The following DNAJA3 variants were observed in gnomAD, a reference collection of about 807,000 sequenced individuals.
DNAJA3 encodes DnaJ heat shock protein family (Hsp40) member A3.
In DNAJA3, 29 loss-of-function variants were observed where a neutral mutation model predicts 54.9. That is an observed-to-expected ratio of 0.53 (90% confidence interval 0.39 to 0.72). The LOEUF (loss-of-function observed/expected upper bound fraction) is 0.72. Among genes scored for constraint, DNAJA3 ranks in the 30% least tolerant of loss-of-function variants. DNAJA3 has a pLI of 0.00. For synonymous variants in DNAJA3, 302 were observed against 251.4 expected (o/e 1.20, Z -1.90); for missense variants, 708 against 639.4 (o/e 1.11, Z -1.16).
chr16:4,430,143 C>G (rs1223670206), intron 1 of DNAJA3, among the ~76,000 whole-genome samples: 1 of 151,020 alleles, frequency 6.6e-6, no homozygotes, highest in Non-Finnish European at 1.5e-5. Flanking sequence ...ACCCCTGTCT[C>G]TTAAAAAAAA....
At chr16:4,443,914 C>T (rs921276307) in intron 6 of DNAJA3, among the ~76,000 whole-genome samples, 2 of 152,206 alleles carry the variant, frequency 1.3e-5, no homozygotes, top group African/African-American at 4.8e-5. Flanking sequence ...TCTCGATCTC[C>T]TGACCTCGTG....
chr16:4,425,893 G>T lies in DNAJA3; in HGVS notation c.12G>T (p.Arg4=). 1 of 1,538,916 alleles carries T rather than the reference G, an allele frequency of 6.5e-7. No homozygotes were observed. The highest frequency in any genetic ancestry group is 2.5e-5 in the East Asian group (1 of 40,050). The change falls in exon 1 of 12, where the codon CGG becomes CGT. Residue 4 remains arginine, a synonymous_variant. Transcript: ENST00000262375. MAA[R]CSTRWLLVVV... is the part of the protein sequence containing the mutation. ...GTCCCCGGGCCAAGATGGCTGCGCG[G>T]TGCTCCACACGCTGGTTGCTGGTGG...
chr16:4,436,462 T>C (rs910259917), intron 2 of DNAJA3, among the ~76,000 whole-genome samples: 2 of 152,260 alleles, frequency 1.3e-5, no homozygotes, highest in East Asian at 3.8e-4. Flanking sequence ...TAGCAATTAC[T>C]GTATTTTATT....
At chr16:4,447,233 A>C (rs910559100) in intron 8 of DNAJA3, 2 of 571,144 alleles carry the variant, frequency 3.5e-6, no homozygotes, top group African/African-American at 1.9e-5. Flanking sequence ...CCTGGCTGGC[A>C]TCACTCCCAC....
intron 2 of DNAJA3, among the ~76,000 whole-genome samples, chr16:4,436,817 T>A (rs913087321): frequency 6.6e-6 from 1 of 152,250 alleles, no homozygotes; most frequent in South Asian, 2.1e-4. Flanking sequence ...ATAACAGGCA[T>A]GAGCCACTGC....
rs777874839 is a variant in DNAJA3, at chr16:4,441,377, T to G, written c.432T>G (p.Val144=). 3.1e-6 allele frequency: 5 copies of G among 1,611,598 alleles called. No homozygotes were observed. The highest frequency in any genetic ancestry group is 1.8e-4 in the Middle Eastern group (1 of 5,442). Residue 144 remains valine, a splice_region_variant and synonymous_variant, in exon 4 of 12, where the codon GTT becomes GTG. Transcript: ENST00000262375. ...AGTGGCTCTGCCTTTCACTGTAGGT[T>G]TTGAGTGATGAGGTGAAGAGGAAGC... is the stretch of plus-strand genomic sequence containing the variant. ...KFSQLAEAYE[V]LSDEVKRKQY...
intron 10 of DNAJA3, 87 bp from the exon 11 acceptor site, chr16:4,454,724 G>A: frequency 2.1e-6 from 2 of 962,312 alleles, no homozygotes; most frequent in Non-Finnish European, 3.2e-6. Flanking sequence ...GGGCCCCTGG[G>A]TGGCCAGGCG....
intron 6 of DNAJA3, among the ~76,000 whole-genome samples, chr16:4,444,093 C>T (rs2056872567): frequency 6.6e-6 from 1 of 152,122 alleles, no homozygotes; most frequent in Non-Finnish European, 1.5e-5. Context: ...TGGTTAACAC[C>T]CATCACCCCA....
At chr16:4,433,658 A>G (rs2056734809) in intron 1 of DNAJA3, among the ~76,000 whole-genome samples, 1 of 152,190 alleles carries the variant, frequency 6.6e-6, no homozygotes, top group South Asian at 2.1e-4. Context: ...TTAAGCATTA[A>G]ATGTGACAGA....
intron 1 of DNAJA3, chr16:4,427,530 C>T (rs117099543): frequency 6.6e-6 from 1 of 152,112 alleles, no homozygotes; most frequent in African/African-American, 2.4e-5. Context: ...TATTATTTAA[C>T]CCCTTCGAGC....
chr16:4,454,034 C>T (rs923070867), intron 10 of DNAJA3, among the ~76,000 whole-genome samples: 5 of 152,220 alleles, frequency 3.3e-5, no homozygotes, highest in Non-Finnish European at 7.3e-5. Flanking sequence ...TAGATGGTGT[C>T]AGCCTGGGCC....
chr16:4,443,306 C>A, intron 6 of DNAJA3, 142 bp downstream of exon 6: 1 of 1,036,688 alleles, frequency 9.6e-7, no homozygotes, highest in Non-Finnish European at 1.4e-6. Context: ...ATGGTTGAGG[C>A]CCTGGAGCCC....
chr16:4,450,573 A>C, intron 10 of DNAJA3, 76 bp downstream of exon 10: 5 of 1,157,100 alleles, frequency 4.3e-6, no homozygotes, highest in Non-Finnish European at 6.1e-6. Flanking sequence ...TCAGGGCAGC[A>C]TGTTGGGGTT....
In DNAJA3 at chr16:4,434,350, C is replaced by G. The variant is rs565797832; in HGVS notation, c.212-34C>G. 15 of 1,607,404 alleles carry G rather than the reference C, an allele frequency of 9.3e-6. No individual in the cohort carries two copies. The South Asian group carries it at 1.7e-4, about 18-fold the overall frequency. On this transcript the variant is annotated intron_variant, in intron 1 of 11. Transcript: ENST00000262375. ...ACAGTTTTCTTTTGTTGAGAACATT[C>G]CCAGAGTGATTTTCTTTGTTTTTTC...
intron 1 of DNAJA3, 120 bp downstream of exon 1, chr16:4,426,212 C>T (rs1336986576): frequency 8.9e-7 from 1 of 1,126,644 alleles, no homozygotes; most frequent in Non-Finnish European, 1.2e-6. Context: ...CGCGGATGCA[C>T]AATTGCCGGA....
intron 2 of DNAJA3, among the ~76,000 whole-genome samples, chr16:4,435,462 T>G (rs2056762398): frequency 6.6e-6 from 1 of 152,188 alleles, no homozygotes; most frequent in African/African-American, 2.4e-5. Context: ...AAAGAAACTC[T>G]GTATTCATTA....
chr16:4,444,586 G>A (rs141164294), intron 6 of DNAJA3, 78 bp from the exon 7 acceptor site: 246 of 1,270,262 alleles, frequency 1.9e-4, no homozygotes, highest in South Asian at 9.2e-4. Context: ...TGCCCGCCTC[G>A]GCCTCCCAAA....
At chr16:4,454,960 G>A (rs548067126) in intron 11 of DNAJA3, 33 bp downstream of exon 11, 2 of 1,433,138 alleles carry the variant, frequency 1.4e-6, no homozygotes, top group Non-Finnish European at 2.0e-6. Flanking sequence ...TTTTCCCTTT[G>A]TTTTCCTCTG....
intron 6 of DNAJA3, 85 bp downstream of exon 6, chr16:4,443,249 G>A: frequency 2.0e-6 from 3 of 1,533,194 alleles, no homozygotes; most frequent in Non-Finnish European, 2.6e-6. Context: ...AGGGTGGACA[G>A]GGCCGAGGCC....
Sources: gnomAD v4.1 joint callset for allele counts (sites outside exome capture counted in the v4.1 genomes callset) on GRCh38, gnomAD v4.1.1 for gene constraint, MANE v1.5 for transcripts, NCBI Gene and HGNC (gene_info 2026-07-23, HGNC 2026-07-21) for gene names.